The following SLC5A7 variants were observed in gnomAD, a reference collection of about 807,000 sequenced individuals.
SLC5A7 encodes high affinity choline transporter 1.
A neutral mutation model predicts 55.4 loss-of-function variants in SLC5A7; 19 were observed. That is an observed-to-expected ratio of 0.34 (90% confidence interval 0.24 to 0.50). The LOEUF (loss-of-function observed/expected upper bound fraction) is 0.50, where lower values mean the gene tolerates loss of function less well. Ranked by LOEUF, SLC5A7 falls within the 20% of genes least tolerant of loss-of-function variation. SLC5A7 has a pLI of 0.98. For synonymous variants in SLC5A7, 265 were observed against 263.7 expected (o/e 1.00, Z -0.05); for missense variants, 506 against 705.3 (o/e 0.72, Z 3.20).
At chr2:108,006,225 A>T (rs747966306) in intron 7 of SLC5A7, 23 bp downstream of exon 7, 2 of 1,612,676 alleles carry the variant, frequency 1.2e-6, no homozygotes, top group African/African-American at 1.3e-5. Flanking sequence ...CAGCTTCACC[A>T]CATGTGCCAG....
rs775209241 is a variant in SLC5A7 at position 107,992,087 on chromosome 2, A to C, written c.179-19A>C. ...ACAGGTAAGACAGTATCACTCCCTC[A>C]CTTTTCATTCTGTTTCAGCTACCTG... On this transcript the variant is annotated intron_variant, in intron 2 of 8. Transcript: ENST00000264047. The C allele has an allele frequency of 6.5e-6, 10 of 1,544,874 alleles. No homozygotes were observed. The highest frequency in any genetic ancestry group is 8.9e-6 in the Non-Finnish European group (10 of 1,117,964).
intron 2 of SLC5A7, among the ~76,000 whole-genome samples, chr2:107,991,709 C>T (rs2104339591): frequency 6.6e-6 from 1 of 152,182 alleles, no homozygotes; most frequent in Non-Finnish European, 1.5e-5. Context: ...TACCCCTTGA[C>T]CTCAGACTAT....
Position 107,988,132 on chromosome 2 carries a change from A to G in SLC5A7, c.-24A>G. On this transcript the variant is annotated 5_prime_UTR_variant, in exon 2 of 9. Coordinates refer to ENST00000264047, the MANE Select transcript of SLC5A7 (RefSeq NM_021815.5). ...GACTTAATGAAGTAGCCAGCTGCAGAAGAATCTGGATCATTAGATAAAAAT... is the reference window on the plus strand; with the variant it reads ...GACTTAATGAAGTAGCCAGCTGCAGGAGAATCTGGATCATTAGATAAAAAT... The G allele has an allele frequency of 6.2e-7, 1 of 1,606,508 alleles. No homozygotes were observed. The highest frequency in any genetic ancestry group is 8.5e-7 in the Non-Finnish European group (1 of 1,174,256).
chr2:108,008,798 CTGTACTTTA>C, intron 8 of SLC5A7, 116 bp downstream of exon 8: 2 of 705,316 alleles, frequency 2.8e-6, no homozygotes. Context: ...TTAAATCTGA[CTGTACTTTA>C]AGCATACGAG....
intron 5 of SLC5A7, among the ~76,000 whole-genome samples, chr2:108,000,015 C>A (rs981348023): frequency 1.3e-5 from 2 of 152,160 alleles, no homozygotes; most frequent in African/African-American, 4.8e-5. Flanking sequence ...TTTTTTCTAG[C>A]TTCCAGTTGC....
At chr2:108,003,664 G>T (rs962180062) in intron 6 of SLC5A7, among the ~76,000 whole-genome samples, 5 of 152,108 alleles carry the variant, frequency 3.3e-5, no homozygotes, top group African/African-American at 9.7e-5. Context: ...ACCCATGTTT[G>T]CTCTCTATTA....
chr2:107,990,795 T>C (rs1677425512), intron 2 of SLC5A7, among the ~76,000 whole-genome samples: 1 of 152,182 alleles, frequency 6.6e-6, no homozygotes, highest in African/African-American at 2.4e-5. Context: ...ATAAACACAA[T>C]AGAAACACAT....
intron 1 of SLC5A7, among the ~76,000 whole-genome samples, chr2:107,987,390 A>G (rs1297108054): frequency 6.6e-6 from 1 of 152,144 alleles, no homozygotes; most frequent in African/African-American, 2.4e-5. Context: ...CTTTTCCTGT[A>G]TGTACCATTA....
chr2:108,002,015 C>T lies in SLC5A7; in HGVS notation c.716C>T (p.Ser239Phe), dbSNP rs778161682. 1.2e-6 allele frequency: 2 copies of T among 1,614,022 alleles called. No homozygotes were observed. Among genetic ancestry groups the T allele is most frequent in the East Asian group, 2.2e-5 (1 of 44,892 alleles). Residue 239 changes from serine to phenylalanine, a missense_variant, in exon 6 of 9, where the codon TCT becomes TTT. By Grantham distance (155) the Ser-to-Phe change is radical. Transcript: ENST00000264047. ...ACTGTTGACTCATCTGAAGTCTACT[C>T]TTGGCTTGATAGTTTTCTGTTGTTG... ...LGTVDSSEVY[S>F]WLDSFLLLML...
At chr2:108,007,145 G>A (rs1299421975) in intron 7 of SLC5A7, among the ~76,000 whole-genome samples, 2 of 152,042 alleles carry the variant, frequency 1.3e-5, no homozygotes, top group Non-Finnish European at 2.9e-5. Context: ...AATACATCAT[G>A]TTAATCCAAA....
intron 5 of SLC5A7, among the ~76,000 whole-genome samples, chr2:107,998,983 T>C (rs1384237502): frequency 6.6e-6 from 1 of 152,180 alleles, no homozygotes; most frequent in Non-Finnish European, 1.5e-5. Flanking sequence ...AAACTTTCCA[T>C]CATCTCTAAT....
At chr2:107,999,302 C>G (rs1444984057) in intron 5 of SLC5A7, among the ~76,000 whole-genome samples, 7 of 152,182 alleles carry the variant, frequency 4.6e-5, no homozygotes, top group South Asian at 2.1e-4. Context: ...AATCCCTCTT[C>G]AGAATGTCAG....
At chr2:107,994,034 T>C (rs377707505) in intron 4 of SLC5A7, among the ~76,000 whole-genome samples, 1 of 152,170 alleles carries the variant, frequency 6.6e-6, no homozygotes. Context: ...TGCCTTAGCG[T>C]CTCCTCGACT....
intron 8 of SLC5A7, among the ~76,000 whole-genome samples, chr2:108,009,900 G>T (rs1250846712): frequency 1.3e-5 from 2 of 152,152 alleles, no homozygotes; most frequent in African/African-American, 2.4e-5. Context: ...TCCCTAATAT[G>T]TAAAGTGAGG....
chr2:108,003,789 G>T (rs2104368451), intron 6 of SLC5A7, among the ~76,000 whole-genome samples: 1 of 152,280 alleles, frequency 6.6e-6, no homozygotes. Context: ...ACCTACTTTA[G>T]TCAGTTTGGG....
In SLC5A7 at chr2:108,013,427, A is replaced by G. The variant is rs141912210; in HGVS notation, c.*2566A>G. ...TGCAAGGAAGGAAACAATGGTCACA[A>G]GGTCTTTACTTATGCACATTTGTGC... is the stretch of plus-strand genomic sequence containing the variant. On this transcript the variant is annotated 3_prime_UTR_variant, in exon 9 of 9. Coordinates refer to ENST00000264047, the MANE Select transcript of SLC5A7 (RefSeq NM_021815.5). 2 of 152,212 alleles carry G rather than the reference A, an allele frequency of 1.3e-5. No homozygotes were observed. The highest frequency in any genetic ancestry group is 4.1e-4 in the South Asian group (2 of 4,834). The allele number at this position is 152,212 out of a possible 1,614,324, so 9.4% of individuals were successfully genotyped here. A position where few individuals can be genotyped will look rare whatever the true frequency, so the allele number is the denominator to read the frequency against.
chr2:108,002,136 G>C, intron 6 of SLC5A7, 96 bp downstream of exon 6: 2 of 1,418,802 alleles, frequency 1.4e-6, no homozygotes, highest in South Asian at 2.7e-5. Flanking sequence ...AAATGTGCTT[G>C]TGGGCTCATG....
At chr2:107,990,858 G>A (rs1255498297) in intron 2 of SLC5A7, among the ~76,000 whole-genome samples, 1 of 152,176 alleles carries the variant, frequency 6.6e-6, no homozygotes, top group African/African-American at 2.4e-5. Flanking sequence ...CTAACTGTGA[G>A]ATTTTGGAAA....
intron 2 of SLC5A7, 101 bp from the exon 3 acceptor site, chr2:107,992,005 T>C: frequency 1.7e-6 from 1 of 604,080 alleles, no homozygotes; most frequent in Non-Finnish European, 3.0e-6. Context: ...GCTCGTCACA[T>C]TTCAGGTGCT....
Sources: allele counts gnomAD v4.1 joint callset (sites outside exome capture counted in the v4.1 genomes callset), GRCh38; gene constraint gnomAD v4.1.1; transcripts MANE v1.5; gene names NCBI Gene and HGNC (gene_info 2026-07-23, HGNC 2026-07-21).